The following PHTF2 variants were observed in gnomAD, a reference collection of about 807,000 sequenced individuals.
PHTF2 encodes the protein putative homeodomain transcription factor 2.
PHTF2 carries 60 observed loss-of-function variants against 101.2 expected under a neutral mutation model. The ratio of observed to expected loss-of-function variants is 0.59; its 90% CI spans 0.48 to 0.73. The LOEUF (loss-of-function observed/expected upper bound fraction) is 0.73. Ranked by LOEUF, PHTF2 falls within the 30% of genes least tolerant of loss-of-function variation. The pLI is 0.00. For missense variants in PHTF2, 747 were observed against 908.7 expected (o/e 0.82, Z 2.29); for synonymous variants, 311 against 307.3 (o/e 1.01, Z -0.13).
At chr7:77,896,701 A>G (rs1800904462) in intron 5 of PHTF2, among the ~76,000 whole-genome samples, 1 of 152,216 alleles carries the variant, frequency 6.6e-6, no homozygotes, top group Admixed American at 6.5e-5. Flanking sequence ...GGTGTAAAAT[A>G]ATTCCGTATT....
At chr7:77,893,839 T>G in intron 4 of PHTF2, 143 bp from the exon 4 acceptor site, 2 of 713,566 alleles carry the variant, frequency 2.8e-6, no homozygotes, top group Non-Finnish European at 4.8e-6. Flanking sequence ...TGATGTTGGT[T>G]TTTTCTTTTT....
intron 9 of PHTF2, among the ~76,000 whole-genome samples, chr7:77,919,017 T>G (rs1803195770): frequency 3.9e-5 from 6 of 152,180 alleles, no homozygotes; most frequent in Admixed American, 3.9e-4. Flanking sequence ...GATGAGTGTG[T>G]TAAAAAATCC....
chr7:77,814,768 G>A (rs1404865393), intron 1 of PHTF2, among the ~76,000 whole-genome samples: 1 of 152,026 alleles, frequency 6.6e-6, no homozygotes, highest in Admixed American at 6.6e-5. Flanking sequence ...GCCCGGTCTG[G>A]GGGGGCATTT....
rs1042275204 is a variant in PHTF2 at position 77,887,903 on chromosome 7, A to G, written c.148-5705A>G. Among the ~76,000 whole-genome samples the G allele has an allele frequency of 3.9e-5, 6 of 152,232 alleles. No individual in the cohort carries two copies. In the South Asian group the frequency reaches 1.2e-3, roughly 32 times the overall value. ...AGAAAGGACTTCACATTCTCACAAT[A>G]TACAAAACTATTGGCTACAGAATAT... is the stretch of plus-strand genomic sequence containing the variant. On this transcript the variant is annotated intron_variant, in intron 3 of 19. Transcript: ENST00000416283.
intron 3 of PHTF2, among the ~76,000 whole-genome samples, chr7:77,874,970 A>G (rs573219936): frequency 7.2e-4 from 110 of 152,242 alleles, no homozygotes; most frequent in African/African-American, 2.5e-3. Flanking sequence ...ATTCTGTTCC[A>G]TTGGTCTCTG....
chr7:77,940,778 A>C lies in PHTF2; in HGVS notation c.1872+119A>C. On this transcript the variant is annotated intron_variant, in intron 15 of 19. Coordinates refer to ENST00000416283, the Ensembl canonical transcript of PHTF2. ...GTAACCAGCTTTTACTCATTCAAAA[A>C]CTGGATTAGGGATTTTGTTTCTACT... The C allele has an allele frequency of 3.1e-6, 2 of 651,442 alleles. 1 individual carries two copies. The highest frequency in any genetic ancestry group is 4.9e-6 in the Non-Finnish European group (2 of 411,922). 40.4% of individuals were successfully genotyped at this position (651,442 alleles called of 1,614,324 possible).
chr7:77,934,443 G>A (rs1054985481), intron 12 of PHTF2, among the ~76,000 whole-genome samples: 3 of 152,178 alleles, frequency 2.0e-5, no homozygotes, highest in African/African-American at 4.8e-5. Context: ...TTGGAAACAC[G>A]AGTATGTGGT....
intron 2 of PHTF2, among the ~76,000 whole-genome samples, chr7:77,841,299 T>G (rs1795865955): frequency 6.6e-6 from 1 of 151,870 alleles, no homozygotes; most frequent in African/African-American, 2.4e-5. Context: ...AGGCTGATCT[T>G]GAACTCCTAA....
chr7:77,860,606 A>G (rs1226987236), intron 3 of PHTF2, among the ~76,000 whole-genome samples: 2 of 152,244 alleles, frequency 1.3e-5, no homozygotes, highest in East Asian at 3.8e-4. Context: ...CTTGGTGTAT[A>G]GTAGGTATTC....
chr7:77,854,463 A>G (rs1466734492), intron 2 of PHTF2, among the ~76,000 whole-genome samples: 3 of 152,064 alleles, frequency 2.0e-5, no homozygotes, highest in African/African-American at 4.8e-5. Context: ...TATCAGTAAC[A>G]TTCACTCAAG....
At chr7:77,845,452 A>G (rs1423224962) in intron 2 of PHTF2, among the ~76,000 whole-genome samples, 3 of 152,368 alleles carry the variant, frequency 2.0e-5, no homozygotes, top group South Asian at 4.1e-4. Flanking sequence ...TCAGTTGCCA[A>G]TGAGAAAACT....
intron 1 of PHTF2, among the ~76,000 whole-genome samples, chr7:77,823,094 C>T (rs1467819048): frequency 2.6e-5 from 4 of 151,084 alleles, no homozygotes; most frequent in Admixed American, 1.3e-4. Context: ...TTAGTAGAGA[C>T]GGGGTTTCAC....
At chr7:77,812,221 GTTGT>G (rs1296598437) in intron 1 of PHTF2, among the ~76,000 whole-genome samples, 1 of 152,176 alleles carries the variant, frequency 6.6e-6, no homozygotes, top group Non-Finnish European at 1.5e-5. Flanking sequence ...ATTATATTAA[GTTGT>G]TTGAGGCAGA....
At chr7:77,857,086 C>G (rs1797242877) in intron 3 of PHTF2, among the ~76,000 whole-genome samples, 1 of 152,102 alleles carries the variant, frequency 6.6e-6, no homozygotes, top group African/African-American at 2.4e-5. Flanking sequence ...AAGGCAAGGC[C>G]AGAGATGGTT....
intron 1 of PHTF2, among the ~76,000 whole-genome samples, chr7:77,804,944 T>C (rs1474800895): frequency 1.3e-5 from 2 of 152,244 alleles, no homozygotes; most frequent in Admixed American, 6.5e-5. Context: ...ATCAAAATTA[T>C]ATCCTCAGTG....
chr7:77,814,063 C>T (rs1303186069), intron 1 of PHTF2, among the ~76,000 whole-genome samples: 1 of 152,184 alleles, frequency 6.6e-6, no homozygotes, highest in Non-Finnish European at 1.5e-5. Flanking sequence ...GAGGAGAAAA[C>T]TCAGGAAACA....
chr7:77,916,977 A>G (rs1000043950), intron 9 of PHTF2, among the ~76,000 whole-genome samples: 2 of 152,164 alleles, frequency 1.3e-5, no homozygotes, highest in Non-Finnish European at 2.9e-5. Flanking sequence ...TTCACCTTCT[A>G]GCTTTAGCAT....
rs1447404046 is a variant in PHTF2 at position 77,842,036 on chromosome 7, T to G, written c.45+1736T>G. Among the ~76,000 whole-genome samples, 3 of 152,180 alleles carry G rather than the reference T, an allele frequency of 2.0e-5. No individual in the cohort carries two copies. In the East Asian group the frequency reaches 5.8e-4, roughly 29 times the overall value. ...GAGGGTTTGAAATATTATACTCAGA[T>G]TCAGTTAGCCCTGTAACTGAAGTTA... On this transcript the variant is annotated intron_variant, in intron 2 of 19. Coordinates refer to ENST00000416283, the Ensembl canonical transcript of PHTF2.
chr7:77,948,035 T>TCACCATGTTGGC (rs1806230519), intron 16 of PHTF2, among the ~76,000 whole-genome samples: 1 of 151,920 alleles, frequency 6.6e-6, no homozygotes, highest in Non-Finnish European at 1.5e-5. Context: ...GACGGGGGTT[T>TCACCATGTTGGC]CACCATGTTG....
Sources: allele counts gnomAD v4.1 joint callset (sites outside exome capture counted in the v4.1 genomes callset), GRCh38; gene constraint gnomAD v4.1.1; transcripts MANE v1.5; gene names NCBI Gene and HGNC (gene_info 2026-07-23, HGNC 2026-07-21).